The following UBXN2A variants were observed in gnomAD, a reference collection of about 807,000 sequenced individuals.
UBXN2A encodes UBX domain-containing protein 2A.
Under a neutral mutation model 28.4 loss-of-function variants are expected in UBXN2A, and 28 were observed. That is an observed-to-expected ratio of 0.99 (90% CI 0.73 to 1.35). UBXN2A has a LOEUF of 1.35. Ranked by LOEUF, UBXN2A falls within the 40% of genes most tolerant of loss-of-function variation. UBXN2A has a pLI of 0.00. For missense variants in UBXN2A, 253 were observed against 297.9 expected (o/e 0.85, Z 1.11); for synonymous variants, 97 against 103.6 (o/e 0.94, Z 0.39).
At chr2:23,982,614 C>G (rs1169170141) in intron 4 of UBXN2A, among the ~76,000 whole-genome samples, 3 of 151,894 alleles carry the variant, frequency 2.0e-5, no homozygotes, top group African/African-American at 7.3e-5. Context: ...TGGACAAGAC[C>G]CTGTCTCTAC....
intron 1 of UBXN2A, among the ~76,000 whole-genome samples, chr2:23,947,647 G>A (rs953194873): frequency 5.3e-5 from 8 of 152,088 alleles, no homozygotes; most frequent in Non-Finnish European, 1.5e-5. Context: ...TGGTGACTTT[G>A]TGGTGTCTCC....
intron 2 of UBXN2A, among the ~76,000 whole-genome samples, chr2:23,960,437 G>T (rs1288931201): frequency 6.6e-6 from 1 of 152,014 alleles, no homozygotes; most frequent in Non-Finnish European, 1.5e-5. Flanking sequence ...TTTTAAAATG[G>T]CTTTATTGAA....
At chr2:23,956,697 C>A (rs1173652486) in intron 1 of UBXN2A, among the ~76,000 whole-genome samples, 1 of 152,202 alleles carries the variant, frequency 6.6e-6, no homozygotes, top group African/African-American at 2.4e-5. Flanking sequence ...GTAAAAGTTT[C>A]CATGTTCATC....
At chr2:23,986,327 A>G (rs1331728441) in intron 6 of UBXN2A, among the ~76,000 whole-genome samples, 1 of 151,818 alleles carries the variant, frequency 6.6e-6, no homozygotes, top group Non-Finnish European at 1.5e-5. Flanking sequence ...AATAATAATA[A>G]TAATAGTAAT....
chr2:23,955,762 T>C (rs1178837198), intron 1 of UBXN2A, among the ~76,000 whole-genome samples: 2 of 152,176 alleles, frequency 1.3e-5, no homozygotes, highest in Admixed American at 6.5e-5. Flanking sequence ...ACAGTAAAAA[T>C]ATACTGTTAT....
At chr2:23,948,187 A>G (rs1050790700) in intron 1 of UBXN2A, among the ~76,000 whole-genome samples, 1 of 151,560 alleles carries the variant, frequency 6.6e-6, no homozygotes, top group African/African-American at 2.4e-5. Flanking sequence ...ATCAAAAGTA[A>G]AATTTCATAA....
intron 1 of UBXN2A, among the ~76,000 whole-genome samples, chr2:23,957,991 A>G (rs1025658463): frequency 6.6e-6 from 1 of 152,244 alleles, no homozygotes; most frequent in Non-Finnish European, 1.5e-5. Flanking sequence ...GGCTTCAGCA[A>G]TCCTCCTACC....
chr2:23,959,908 A>C (rs960761245), intron 2 of UBXN2A, among the ~76,000 whole-genome samples: 1 of 152,170 alleles, frequency 6.6e-6, no homozygotes, highest in African/African-American at 2.4e-5. Flanking sequence ...TAAACTGTAC[A>C]TTGAGCCATC....
chr2:23,958,410 T>C, intron 2 of UBXN2A, 55 bp downstream of exon 2: 5 of 1,495,544 alleles, frequency 3.3e-6, no homozygotes, highest in South Asian at 1.3e-5. Context: ...TATCGTCCTG[T>C]ATTTTTATTA....
intron 1 of UBXN2A, among the ~76,000 whole-genome samples, chr2:23,948,691 A>G (rs551761026): frequency 1.5e-4 from 23 of 152,234 alleles, no homozygotes; most frequent in Admixed American, 1.3e-4. Flanking sequence ...GGCAGCTGGG[A>G]CTCAGAGAAG....
chr2:23,970,157 G>T (rs572884840), intron 2 of UBXN2A, among the ~76,000 whole-genome samples: 1 of 152,100 alleles, frequency 6.6e-6, no homozygotes, highest in South Asian at 2.1e-4. Flanking sequence ...GGTGGTTGGA[G>T]CCTGTAGTCC....
intron 1 of UBXN2A, chr2:23,944,191 C>G: frequency 1.4e-6 from 2 of 1,449,264 alleles, no homozygotes; most frequent in Non-Finnish European, 1.9e-6. Flanking sequence ...ATGGACACAA[C>G]TAAGTTTGCA....
At chr2:23,953,786 G>C (rs1706485323) in intron 1 of UBXN2A, among the ~76,000 whole-genome samples, 1 of 152,126 alleles carries the variant, frequency 6.6e-6, no homozygotes. Context: ...GATATCATCT[G>C]ATTATGCTCC....
chr2:23,936,850 A>C (rs1291091696), upstream of UBXN2A, among the ~76,000 whole-genome samples: 1 of 151,988 alleles, frequency 6.6e-6, no homozygotes, highest in African/African-American at 2.4e-5. Flanking sequence ...AGCTGGGATT[A>C]CAGGTGCCTG....
chr2:23,944,412 T>G, intron 1 of UBXN2A: 1 of 1,158,606 alleles, frequency 8.6e-7, no homozygotes, highest in Non-Finnish European at 1.3e-6. Context: ...TCTTTCAGTT[T>G]GTCAGTCTTA....
At chr2:23,958,734 C>G (rs1706760869) in intron 2 of UBXN2A, among the ~76,000 whole-genome samples, 1 of 152,194 alleles carries the variant, frequency 6.6e-6, no homozygotes, top group Non-Finnish European at 1.5e-5. Flanking sequence ...TCTATTATCT[C>G]TCTGGCCTTT....
chr2:23,954,259 T>A (rs1706509437), intron 1 of UBXN2A, among the ~76,000 whole-genome samples: 1 of 152,242 alleles, frequency 6.6e-6, no homozygotes, highest in Non-Finnish European at 1.5e-5. Context: ...ATATTTGGAA[T>A]CATAAAGTGT....
chr2:23,967,057 T>C (rs1707211577), intron 2 of UBXN2A, among the ~76,000 whole-genome samples: 1 of 152,082 alleles, frequency 6.6e-6, no homozygotes, highest in Non-Finnish European at 1.5e-5. Context: ...TGTGCCTGGC[T>C]GTATTTTCTA....
chr2:23,976,944 C>T, intron 3 of UBXN2A, 25 bp from the exon 4 acceptor site: 1 of 1,553,588 alleles, frequency 6.4e-7, no homozygotes, highest in African/African-American at 1.4e-5. Flanking sequence ...TAACATGACG[C>T]ATTTTGTTTC....
Sources: allele counts gnomAD v4.1 joint callset (sites outside exome capture counted in the v4.1 genomes callset), GRCh38; gene constraint gnomAD v4.1.1; transcripts MANE v1.5; gene names NCBI Gene and HGNC (gene_info 2026-07-23, HGNC 2026-07-21).